Variants in UTY observed in about 807,000 individuals in gnomAD.
UTY encodes histone demethylase UTY.
UTY carries 12 observed loss-of-function variants against 32.5 expected under a neutral mutation model. That is an observed-to-expected ratio of 0.37 (90% CI 0.24 to 0.60). The LOEUF (loss-of-function observed/expected upper bound fraction) is 0.60, where lower values mean the gene tolerates loss of function less well. Ranked by LOEUF, UTY falls within the 20% of genes least tolerant of loss-of-function variation. UTY has a pLI of 0.69. For missense variants in UTY, 303 were observed against 299.2 expected, an observed-to-expected ratio of 1.01 and a Z score of -0.09; for synonymous variants, 131 against 103.4, an observed-to-expected ratio of 1.27 and a Z score of -1.62.
At chrY:13,373,357 A>G (rs995004332) in intron 8 of UTY, among the ~76,000 whole-genome samples, 4 of 34,031 alleles carry the variant, frequency 1.2e-4, no homozygotes, top group Non-Finnish European at 2.2e-4. Context: ...CACGAGCTGA[A>G]GTCAGAAGAA....
At chrY:13,378,133 C>T (rs2065600240) in intron 8 of UTY, among the ~76,000 whole-genome samples, 1 of 32,878 alleles carries the variant, frequency 3.0e-5, no homozygotes, top group African/African-American at 1.2e-4. Context: ...TTTTAAAGTG[C>T]GGAAGGTAAA....
chrY:13,336,378 T>C (rs1383734808), intron 17 of UTY, 43 bp from the exon 18 acceptor site: 1 of 326,959 alleles, frequency 3.1e-6, no homozygotes, highest in Non-Finnish European at 4.4e-6. Context: ...GGAGCTGAAA[T>C]GCATATACAG....
At chrY:13,410,421 A>G in intron 6 of UTY, among the ~76,000 whole-genome samples, 1 of 33,561 alleles carries the variant, frequency 3.0e-5, no homozygotes, top group Non-Finnish European at 7.4e-5. Flanking sequence ...TGAGAAATCA[A>G]ATTTCCACAG....
At chrY:13,452,058 G>A in intron 3 of UTY, among the ~76,000 whole-genome samples, 1 of 33,649 alleles carries the variant, frequency 3.0e-5, no homozygotes. Flanking sequence ...CAGCAATACC[G>A]TTTACTGTAG....
At chrY:13,366,189 T>C in intron 10 of UTY, 78 bp downstream of exon 10, 1 of 318,169 alleles carries the variant, frequency 3.1e-6, no homozygotes, top group South Asian at 4.1e-5. Flanking sequence ...ATTTCACTTC[T>C]CAGATTACAT....
At chrY:13,240,640 C>T (rs2053890805) in intron 28 of UTY, among the ~76,000 whole-genome samples, 1 of 33,901 alleles carries the variant, frequency 2.9e-5, no homozygotes, top group African/African-American at 1.1e-4. Context: ...CAAAACACTT[C>T]TGAAAAAATT....
downstream of UTY, among the ~76,000 whole-genome samples, chrY:13,243,406 AT>A (rs2148324384): frequency 3.0e-5 from 1 of 33,055 alleles, no homozygotes; most frequent in South Asian, 6.7e-4. Context: ...CTAGGCTAAG[AT>A]TTTATGGCTA....
intron 3 of UTY, among the ~76,000 whole-genome samples, chrY:13,460,680 G>A: frequency 3.1e-5 from 1 of 32,742 alleles, no homozygotes; most frequent in Non-Finnish European, 7.5e-5. Context: ...CAGACTGGAC[G>A]ACAGAGCCAA....
chrY:13,430,077 C>T, intron 4 of UTY, among the ~76,000 whole-genome samples: 1 of 34,061 alleles, frequency 2.9e-5, no homozygotes, highest in East Asian at 7.6e-4. Context: ...TGAAACTTAA[C>T]TTATAACATT....
At chrY:13,318,317 T>A (rs2059628341) in intron 21 of UTY, among the ~76,000 whole-genome samples, 1 of 31,580 alleles carries the variant, frequency 3.2e-5, no homozygotes, top group Admixed American at 2.9e-4. Flanking sequence ...AGAAATAATT[T>A]CATATGAGAA....
Position 13,366,409 on chromosome Y carries a change from T to C in UTY, c.740-16A>G. On this transcript the variant is annotated splice_polypyrimidine_tract_variant and intron_variant, in intron 9 of 29. Coordinates refer to ENST00000545955, the MANE Select transcript of UTY (RefSeq NM_001258249.2). ...TGCATCCAACCTATAATTAAGAAGT[T>C]ATAAGCATTTACCCATCATTCTACT... 1 of 339,082 alleles carries C rather than the reference T, an allele frequency of 2.9e-6. No homozygotes were observed. Among genetic ancestry groups the C allele is most frequent in the South Asian group, 4.6e-5 (1 of 21,580 alleles). 84.6% of individuals were successfully genotyped at this position (339,082 alleles called of 400,897 possible). A position where few individuals can be genotyped will look rare whatever the true frequency, so the allele number is the denominator to read the frequency against.
At chrY:13,283,651 G>A in intron 27 of UTY, among the ~76,000 whole-genome samples, 7 of 32,508 alleles carry the variant, frequency 2.2e-4, no homozygotes, top group African/African-American at 8.5e-4. Flanking sequence ...GTAAGCCAAG[G>A]CACCCAGACC....
At chrY:13,355,832 T>A in intron 16 of UTY, 91 bp downstream of exon 16, 1 of 246,720 alleles carries the variant, frequency 4.1e-6, no homozygotes, top group African/African-American at 7.8e-5. Context: ...AACTATAAAT[T>A]AGCATTAATA....
Position 13,299,152 on chromosome Y carries a change from A to T in UTY, c.3681-8T>A, listed in dbSNP as rs751619444. 1 of 325,306 alleles carries T rather than the reference A, an allele frequency of 3.1e-6. No homozygotes were observed. Among genetic ancestry groups the T allele is most frequent in the South Asian group, 4.2e-5 (1 of 23,645 alleles). 81.1% of individuals were successfully genotyped at this position (325,306 alleles called of 400,897 possible). On this transcript the variant is annotated splice_region_variant and splice_polypyrimidine_tract_variant and intron_variant, in intron 25 of 29. Transcript: ENST00000545955. ...AAAAAATTCAAATTATTTCTGAAAAAGAAAATAATGAAAATCAGGTTGAAA... is the reference window on the plus strand; with the variant it reads ...AAAAAATTCAAATTATTTCTGAAAATGAAAATAATGAAAATCAGGTTGAAA...
At chrY:13,292,208 T>C (rs2057800527) in intron 27 of UTY, among the ~76,000 whole-genome samples, 1 of 32,507 alleles carries the variant, frequency 3.1e-5, no homozygotes, top group Admixed American at 2.8e-4. Context: ...TCCAGAACTT[T>C]GGGAGGCCAA....
At chrY:13,423,308 GCA>G (rs2072850195) in intron 4 of UTY, among the ~76,000 whole-genome samples, 1 of 33,137 alleles carries the variant, frequency 3.0e-5, no homozygotes, top group Non-Finnish European at 7.4e-5. Context: ...ACTCCACCAC[GCA>G]CAGACATAAT....
intron 3 of UTY, among the ~76,000 whole-genome samples, chrY:13,456,353 T>C: frequency 3.0e-5 from 1 of 33,126 alleles, no homozygotes; most frequent in Non-Finnish European, 7.4e-5. Context: ...ATACACTGGC[T>C]GGGCATGGAG....
intron 21 of UTY, among the ~76,000 whole-genome samples, chrY:13,312,047 A>G (rs1603370618): frequency 1.5e-4 from 5 of 33,878 alleles, no homozygotes; most frequent in African/African-American, 3.5e-4. Context: ...AAAACAAATG[A>G]CCGCACTAAA....
At chrY:13,239,495 C>T in intron 28 of UTY, among the ~76,000 whole-genome samples, 1 of 32,787 alleles carries the variant, frequency 3.0e-5, no homozygotes, top group Non-Finnish European at 7.5e-5. Flanking sequence ...CCCTCAGATG[C>T]GACACAAAAA....
Sources: gnomAD v4.1 joint callset for allele counts (sites outside exome capture counted in the v4.1 genomes callset) on GRCh38, gnomAD v4.1.1 for gene constraint, MANE v1.5 for transcripts, NCBI Gene and HGNC (gene_info 2026-07-23, HGNC 2026-07-21) for gene names.